The following FUBP3 variants were observed in gnomAD, a reference collection of about 807,000 sequenced individuals.
FUBP3 encodes far upstream element-binding protein 3.
FUBP3 carries 28 observed loss-of-function variants against 85.6 expected under a neutral mutation model. The ratio of observed to expected loss-of-function variants is 0.33; its 90% CI spans 0.24 to 0.45. FUBP3 has a LOEUF of 0.45. Ranked by LOEUF, FUBP3 falls within the 20% of genes least tolerant of loss-of-function variation. The probability of loss-of-function intolerance (pLI) is 1.00; values close to 1 mark genes in which losing one functional copy is unlikely to be tolerated. For synonymous variants in FUBP3, 271 were observed against 271.4 expected (o/e 1.00, Z 0.01); for missense variants, 583 against 755.1 (o/e 0.77, Z 2.67).
chr9:130,634,604 C>T (rs1485975913), intron 16 of FUBP3, 63 bp from the exon 17 acceptor site: 10 of 1,358,600 alleles, frequency 7.4e-6, no homozygotes, highest in African/African-American at 4.3e-5. Context: ...CTGCAGCTGG[C>T]GGGCTGGGGC....
chr9:130,634,372 T>C (rs1213601880), intron 16 of FUBP3, among the ~76,000 whole-genome samples: 5 of 152,226 alleles, frequency 3.3e-5, no homozygotes, highest in Non-Finnish European at 7.3e-5. Flanking sequence ...GGAAGGCTGA[T>C]TGGGGAGCCT....
Position 130,638,208 on chromosome 9 carries a change from T to A in FUBP3, c.*1186T>A, listed in dbSNP as rs1174394989. The stretch of plus-strand genomic sequence containing the variant: ...TTCTCCTTATTTTTCTTATAATGCT[T>A]GAAATGTCTAACTATTAAAAAAGAC... On this transcript the variant is annotated 3_prime_UTR_variant, in exon 19 of 19. Coordinates refer to ENST00000319725, the MANE Select transcript of FUBP3 (RefSeq NM_003934.2). 3 of 152,610 alleles carry A rather than the reference T, an allele frequency of 2.0e-5. No individual in the cohort carries two copies. The East Asian group carries it at 5.8e-4, about 29-fold the overall frequency. The allele number at this position is 152,610 out of a possible 1,614,324, so 9.5% of individuals were successfully genotyped here. A position where few individuals can be genotyped will look rare whatever the true frequency, so the allele number is the denominator to read the frequency against.
At chr9:130,593,860 A>C (rs1830738034) in intron 1 of FUBP3, among the ~76,000 whole-genome samples, 1 of 152,208 alleles carries the variant, frequency 6.6e-6, no homozygotes, top group East Asian at 1.9e-4. Context: ...GATCACATAT[A>C]ATTTCCTGCT....
intron 2 of FUBP3, among the ~76,000 whole-genome samples, chr9:130,608,267 C>G (rs1831557887): frequency 6.6e-6 from 1 of 152,190 alleles, no homozygotes; most frequent in East Asian, 1.9e-4. Context: ...TCTGTGTTCT[C>G]ATCATTTCAA....
intron 16 of FUBP3, among the ~76,000 whole-genome samples, chr9:130,634,271 A>G (rs1317254574): frequency 2.0e-5 from 3 of 152,016 alleles, no homozygotes; most frequent in African/African-American, 7.2e-5. Flanking sequence ...TGGCCCCTCC[A>G]CTTCCCTTGG....
At chr9:130,605,859 C>G (rs972273086) in intron 2 of FUBP3, among the ~76,000 whole-genome samples, 4 of 152,184 alleles carry the variant, frequency 2.6e-5, no homozygotes, top group African/African-American at 7.2e-5. Context: ...CGGCACACAC[C>G]TGTAATCCTG....
At chr9:130,581,057 GCTA>G (rs1181448174) in intron 1 of FUBP3, 1 of 152,168 alleles carries the variant, frequency 6.6e-6, no homozygotes, top group Non-Finnish European at 1.5e-5. Flanking sequence ...TTTCTCACTG[GCTA>G]CTAATATGTA....
In FUBP3 at chr9:130,638,162, G is replaced by A. The variant is rs1345349449; in HGVS notation, c.*1140G>A. 6.6e-6 allele frequency: 1 copy of A among 152,486 alleles called. No homozygotes were observed. Among genetic ancestry groups the A allele is most frequent in the Non-Finnish European group, 1.5e-5 (1 of 68,026 alleles). The allele number at this position is 152,486 out of a possible 1,614,324, so 9.4% of individuals were successfully genotyped here. A position where few individuals can be genotyped will look rare whatever the true frequency, so the allele number is the denominator to read the frequency against. On this transcript the variant is annotated 3_prime_UTR_variant, in exon 19 of 19. Transcript: ENST00000319725. ...AGGGACATTCCGTTTGAAATGTACT[G>A]AAGTTACAGTTTCTGGTTTTTTCTC...
rs1831138988 is a variant in FUBP3, at chr9:130,601,282, A to ATG, written c.190+5694_190+5695insTG. Among the ~76,000 whole-genome samples the ATG allele has an allele frequency of 2.0e-5, 3 of 152,208 alleles. No individual in the cohort carries two copies. The South Asian group carries it at 6.2e-4, about 31-fold the overall frequency. Reference sequence around the variant, plus strand: ...ACTGTCCAACTGCCCTAACCACCTGAAACAAGTGCTTTCTCATGTTTGCCC... The same window carrying ATG: ...ACTGTCCAACTGCCCTAACCACCTGATGAACAAGTGCTTTCTCATGTTTGCCC... On this transcript the variant is annotated intron_variant, in intron 2 of 18. Transcript: ENST00000319725.
chr9:130,580,517 C>T (rs535071002), intron 1 of FUBP3: 2 of 152,354 alleles, frequency 1.3e-5, no homozygotes, highest in East Asian at 3.9e-4. Context: ...TCATTTGTAT[C>T]TAAAACTTAC....
In FUBP3 at chr9:130,587,069, T is replaced by TTG. The variant is rs1564189137; in HGVS notation, c.84+7306_84+7307insGT. ...CGGCGTTTTTTGTTTTTTTTTTTTG[T>TTG]TTGTTTGTTTTTTTGAGATGGAGTC... On this transcript the variant is annotated intron_variant, in intron 1 of 18. Transcript: ENST00000319725. Among the ~76,000 whole-genome samples, 325 of 61,786 alleles carry TTG rather than the reference T, an allele frequency of 5.3e-3. 5 individuals carry two copies. Among genetic ancestry groups the TTG allele is most frequent in the African/African-American group, 0.03 (294 of 9,784 alleles). The allele number at this position is 61,786 out of a possible 152,430, so 40.5% of individuals were successfully genotyped here.
chr9:130,612,468 G>A lies in FUBP3; in HGVS notation c.237G>A (p.Thr79=), dbSNP rs561938858. ...GALVHQRTVI[T]EEFKVPDKMV... ...TCTTTGTTTTTAGGACGGTAATAAC[G>A]GAAGAATTCAAAGTGCCTGACAAAA... The change falls in exon 4 of 19, where the codon ACG becomes ACA. Residue 79 remains threonine, a synonymous_variant. Transcript: ENST00000319725. This position sits in a 1 kb window ranked among gnomAD's most constrained non-coding sequence, Gnocchi z 4.1. 2.8e-5 allele frequency: 45 copies of A among 1,596,900 alleles called. No individual in the cohort carries two copies. The highest frequency in any genetic ancestry group is 2.1e-4 in the African/African-American group (16 of 74,648).
At chr9:130,594,790 T>A (rs1265485836) in intron 1 of FUBP3, among the ~76,000 whole-genome samples, 1 of 151,870 alleles carries the variant, frequency 6.6e-6, no homozygotes, top group Non-Finnish European at 1.5e-5. Context: ...TTTCAAATAT[T>A]CTTGGGGAAT....
chr9:130,619,409 G>A (rs1191787918), intron 8 of FUBP3, among the ~76,000 whole-genome samples: 1 of 151,020 alleles, frequency 6.6e-6, no homozygotes, highest in African/African-American at 2.4e-5. Context: ...GCATGTGTGT[G>A]TGTTTCTTTA....
chr9:130,632,101 C>T (rs1448652340), intron 15 of FUBP3, 79 bp downstream of exon 15: 39 of 1,460,612 alleles, frequency 2.7e-5, no homozygotes, highest in Admixed American at 3.4e-5. Flanking sequence ...GGCAAGGGTC[C>T]GGTGATGCTT....
At chr9:130,636,158 T>G (rs771012719) in intron 18 of FUBP3, 32 bp downstream of exon 18, 2 of 1,606,978 alleles carry the variant, frequency 1.2e-6, no homozygotes, top group Admixed American at 1.7e-5. Flanking sequence ...CCGCTGCCAC[T>G]CCCTAGCCCC....
intron 16 of FUBP3, among the ~76,000 whole-genome samples, chr9:130,632,819 G>A (rs984537642): frequency 3.9e-5 from 6 of 152,244 alleles, no homozygotes; most frequent in Admixed American, 3.3e-4. Flanking sequence ...AATCAAAGCC[G>A]CCACCCTCTC....
intron 8 of FUBP3, among the ~76,000 whole-genome samples, chr9:130,619,401 A>ATG (rs982243203): frequency 1.3e-5 from 2 of 149,646 alleles, no homozygotes; most frequent in African/African-American, 4.9e-5. Flanking sequence ...ATGTGTGTGC[A>ATG]TGTGTGTGTG....
At chr9:130,605,147 A>G (rs775778945) in intron 2 of FUBP3, among the ~76,000 whole-genome samples, 10 of 152,230 alleles carry the variant, frequency 6.6e-5, no homozygotes, top group Non-Finnish European at 1.3e-4. Context: ...GGCTATGAAT[A>G]TACTATCATA....
Sources: allele counts gnomAD v4.1 joint callset (sites outside exome capture counted in the v4.1 genomes callset), GRCh38; gene constraint gnomAD v4.1.1; non-coding constraint Gnocchi (gnomAD v3.1); transcripts MANE v1.5; gene names NCBI Gene and HGNC (gene_info 2026-07-23, HGNC 2026-07-21).